SLCO3A1: variants seen among roughly 807,000 people sequenced by gnomAD.
SLCO3A1 encodes the protein solute carrier organic anion transporter family member 3A1.
In SLCO3A1, 27 loss-of-function variants were observed where a neutral mutation model predicts 63.1. The observed-to-expected ratio is 0.43, with a 90% CI of 0.32 to 0.59. SLCO3A1 has a LOEUF of 0.59. SLCO3A1 is among the 20% of genes least tolerant of loss of function. The pLI is 0.09. For missense variants in SLCO3A1, 773 were observed against 945.8 expected (o/e 0.82, Z 2.40); for synonymous variants, 473 against 409.9 (o/e 1.15, Z -1.86).
intron 7 of SLCO3A1, among the ~76,000 whole-genome samples, chr15:92,130,847 C>A (rs953155704): frequency 3.3e-5 from 5 of 151,054 alleles, no homozygotes; most frequent in African/African-American, 1.2e-4. Context: ...CTCCCTCGCC[C>A]CCTTTTTTCT....
At chr15:91,965,769 G>A (rs1900636688) in intron 2 of SLCO3A1, among the ~76,000 whole-genome samples, 1 of 151,512 alleles carries the variant, frequency 6.6e-6, no homozygotes, top group Non-Finnish European at 1.5e-5. Flanking sequence ...GAAATTCGTA[G>A]GAGTGAGTGT....
chr15:92,159,499 T>G (rs1424990354), intron 9 of SLCO3A1, among the ~76,000 whole-genome samples: 3 of 151,750 alleles, frequency 2.0e-5, no homozygotes, highest in African/African-American at 7.3e-5. Context: ...AAAAAAAAAT[T>G]TATTTCATCT....
intron 2 of SLCO3A1, among the ~76,000 whole-genome samples, chr15:92,028,884 G>A (rs932046643): frequency 4.8e-5 from 6 of 125,758 alleles, no homozygotes; most frequent in African/African-American, 1.3e-4. Context: ...AGATCTTGAC[G>A]TTCTTGTTTC....
At chr15:91,881,851 A>T (rs916108730) in intron 1 of SLCO3A1, among the ~76,000 whole-genome samples, 1 of 152,172 alleles carries the variant, frequency 6.6e-6, no homozygotes, top group African/African-American at 2.4e-5. Flanking sequence ...TTGCCTGGCA[A>T]ACTCCTGGTC....
Position 92,108,043 on chromosome 15 carries a change from A to G in SLCO3A1, c.1009+3501A>G, listed in dbSNP as rs1195473295. 2.0e-5 allele frequency among the ~76,000 whole-genome samples: 3 copies of G among 152,322 alleles called. No homozygotes were observed. In the East Asian group the frequency reaches 5.8e-4, roughly 29 times the overall value. ...TCGATTTTCAGAACATTCCCCTAAA[A>G]AAAGCGGGCTGCAGAGGTCTGCTTC... On this transcript the variant is annotated intron_variant, in intron 4 of 9. Transcript: ENST00000318445.
rs936079093 is a variant in SLCO3A1, at chr15:92,033,421, C to T, written c.647-61460C>T. 5.3e-5 allele frequency among the ~76,000 whole-genome samples: 8 copies of T among 152,118 alleles called. No homozygotes were observed. The highest frequency in any genetic ancestry group is 8.8e-5 in the Non-Finnish European group (6 of 68,018). The stretch of plus-strand genomic sequence containing the variant: ...TCTCTTCCCCTTAGTGGAGAAGTAA[C>T]GATGTTCACGCTTGGGCAGCTGGAT... On this transcript the variant is annotated intron_variant, in intron 2 of 9. Coordinates refer to ENST00000318445, the MANE Select transcript of SLCO3A1 (RefSeq NM_013272.4). This position sits in a 1 kb window ranked among gnomAD's most constrained non-coding sequence, Gnocchi z 4.5.
At chr15:91,949,334 C>T (rs1036251837) in intron 2 of SLCO3A1, among the ~76,000 whole-genome samples, 1 of 152,056 alleles carries the variant, frequency 6.6e-6, no homozygotes, top group Admixed American at 6.6e-5. Flanking sequence ...AGTACCCATG[C>T]GGAGGGCAGT....
chr15:91,975,119 A>C (rs1228186914), intron 2 of SLCO3A1, among the ~76,000 whole-genome samples: 2 of 152,162 alleles, frequency 1.3e-5, no homozygotes, highest in Non-Finnish European at 2.9e-5. Context: ...GAATATAGTA[A>C]ATTCTCAGAG....
At chr15:92,064,988 T>C (rs1464008617) in intron 2 of SLCO3A1, among the ~76,000 whole-genome samples, 1 of 152,252 alleles carries the variant, frequency 6.6e-6, no homozygotes, top group African/African-American at 2.4e-5. Flanking sequence ...ATTTATTATA[T>C]TTTTAAAAAT....
At chr15:92,006,736 A>G (rs1238254570) in intron 2 of SLCO3A1, among the ~76,000 whole-genome samples, 3 of 152,350 alleles carry the variant, frequency 2.0e-5, no homozygotes, top group East Asian at 1.9e-4. Flanking sequence ...AAGACAAAAC[A>G]TAGTGAGCGT....
chr15:91,951,060 A>G (rs1348940759), intron 2 of SLCO3A1, among the ~76,000 whole-genome samples: 1 of 152,230 alleles, frequency 6.6e-6, no homozygotes, highest in Non-Finnish European at 1.5e-5. Context: ...TTAAATGTAC[A>G]TGATTTTATT....
chr15:92,143,178 G>A (rs944815927), intron 7 of SLCO3A1, among the ~76,000 whole-genome samples: 1 of 148,142 alleles, frequency 6.8e-6, no homozygotes, highest in African/African-American at 2.5e-5. Flanking sequence ...TTTCATTTAC[G>A]CCTAACTACT....
At chr15:91,880,401 C>CTGTGTGTGTGTGTGTGTGTGTGTG (rs796110200) in intron 1 of SLCO3A1, among the ~76,000 whole-genome samples, 1 of 133,414 alleles carries the variant, frequency 7.5e-6, no homozygotes, top group African/African-American at 2.9e-5. Context: ...CTCTCTCTCT[C>CTGTGTGTGTGTGTGTGTGTGTGTG]TCTCTCTCTG....
chr15:91,905,851 C>T (rs1290840758), intron 1 of SLCO3A1, among the ~76,000 whole-genome samples: 1 of 64,822 alleles, frequency 1.5e-5, no homozygotes, highest in Admixed American at 1.5e-4. Context: ...GTAAACTTAT[C>T]GTTATTTTTA....
intron 2 of SLCO3A1, among the ~76,000 whole-genome samples, chr15:92,035,029 G>A (rs891724488): frequency 2.0e-5 from 3 of 151,916 alleles, no homozygotes; most frequent in African/African-American, 7.2e-5. Context: ...CAAGGTCATA[G>A]TTAAAGAGGC....
chr15:91,975,899 T>C (rs1249662132), intron 2 of SLCO3A1, among the ~76,000 whole-genome samples: 1 of 152,240 alleles, frequency 6.6e-6, no homozygotes, highest in African/African-American at 2.4e-5. Flanking sequence ...CTCACTGAAG[T>C]GTGACCTTGG....
At chr15:92,057,009 C>T (rs879103553) in intron 2 of SLCO3A1, among the ~76,000 whole-genome samples, 1 of 152,260 alleles carries the variant, frequency 6.6e-6, no homozygotes, top group Non-Finnish European at 1.5e-5. Flanking sequence ...TCCCAAACAT[C>T]TCAAGGTCTC....
intron 2 of SLCO3A1, among the ~76,000 whole-genome samples, chr15:92,016,254 T>TTGATTAGATAGATAGATAGATAGA (rs1555424442): frequency 1.8e-4 from 17 of 95,708 alleles, no homozygotes; most frequent in Non-Finnish European, 2.6e-4. Context: ...GATAGATAGA[T>TTGATTAGATAGATAGATAGATAGA]TAGATAGATA....
At chr15:91,963,059 G>A (rs912222933) in intron 2 of SLCO3A1, among the ~76,000 whole-genome samples, 9 of 152,070 alleles carry the variant, frequency 5.9e-5, no homozygotes, top group South Asian at 2.1e-4. Context: ...AAATGGGTCC[G>A]GGTGCTGGGG....
Sources: gnomAD v4.1 joint callset for allele counts (sites outside exome capture counted in the v4.1 genomes callset) on GRCh38, gnomAD v4.1.1 for gene constraint, Gnocchi (gnomAD v3.1) non-coding constraint, MANE v1.5 for transcripts, NCBI Gene and HGNC (gene_info 2026-07-23, HGNC 2026-07-21) for gene names.